STAU1: variants seen among roughly 807,000 people sequenced by gnomAD.
STAU1 encodes the protein staufen double-stranded RNA binding protein 1.
Under a neutral mutation model 62.9 loss-of-function variants are expected in STAU1, and 13 were observed. That is an observed-to-expected ratio of 0.21 (90% CI 0.13 to 0.33). STAU1 has a LOEUF of 0.33. STAU1 is among the 10% of genes least tolerant of loss of function. STAU1 has a pLI of 1.00. For missense variants in STAU1, 571 were observed against 712.1 expected, an observed-to-expected ratio of 0.80 and a Z score of 2.25; for synonymous variants, 269 against 265.1, an observed-to-expected ratio of 1.01 and a Z score of -0.14.
At chr20:49,154,402 T>C (rs1180742542) in intron 3 of STAU1, among the ~76,000 whole-genome samples, 1 of 152,248 alleles carries the variant, frequency 6.6e-6, no homozygotes, top group Admixed American at 6.5e-5. Context: ...AAAAATCCCA[T>C]GTAAATGTCC....
intron 8 of STAU1, among the ~76,000 whole-genome samples, chr20:49,122,683 T>TGAGGTGGGAGGATCAC (rs1411120765): frequency 6.6e-6 from 1 of 152,128 alleles, no homozygotes; most frequent in Non-Finnish European, 1.5e-5. Flanking sequence ...TTTGGGAGGC[T>TGAGGTGGGAGGATCAC]GAGGTGGGAG....
chr20:49,161,849 C>T (rs549725753), intron 3 of STAU1, among the ~76,000 whole-genome samples: 2 of 152,304 alleles, frequency 1.3e-5, no homozygotes, highest in Non-Finnish European at 2.9e-5. Flanking sequence ...AGAGAAGACG[C>T]AACTAGGGTC....
intron 3 of STAU1, among the ~76,000 whole-genome samples, chr20:49,161,034 T>C (rs1041830681): frequency 6.6e-6 from 1 of 151,858 alleles, no homozygotes; most frequent in Non-Finnish European, 1.5e-5. Context: ...AAAAGCAAAA[T>C]ATGGCCAGGC....
At chr20:49,161,812 T>G (rs2093452763) in intron 3 of STAU1, among the ~76,000 whole-genome samples, 1 of 152,154 alleles carries the variant, frequency 6.6e-6, no homozygotes, top group Non-Finnish European at 1.5e-5. Context: ...GATACAAAAC[T>G]GCAAATCATT....
At chr20:49,153,848 C>A in intron 4 of STAU1, 85 bp downstream of exon 4, 1 of 1,374,698 alleles carries the variant, frequency 7.3e-7, no homozygotes. Context: ...TTACTCCCTC[C>A]ACAATCTAGA....
At chr20:49,121,451 CTACA>C (rs1364332121) in intron 8 of STAU1, among the ~76,000 whole-genome samples, 1 of 152,154 alleles carries the variant, frequency 6.6e-6, no homozygotes, top group Non-Finnish European at 1.5e-5. Flanking sequence ...AGTATTCATG[CTACA>C]ACCAAAATCT....
chr20:49,169,594 T>A (rs1031501220), intron 2 of STAU1, among the ~76,000 whole-genome samples: 2 of 152,152 alleles, frequency 1.3e-5, no homozygotes, highest in Admixed American at 6.5e-5. Context: ...TTTGTTAGAG[T>A]CTTCTTAGAG....
chr20:49,161,300 T>TA (rs1406015315), intron 3 of STAU1, among the ~76,000 whole-genome samples: 1 of 152,112 alleles, frequency 6.6e-6, no homozygotes, highest in Non-Finnish European at 1.5e-5. Flanking sequence ...CACTCCAGCC[T>TA]AGGCGGCAAA....
chr20:49,204,476 A>G, the STAU1 span, among the ~76,000 whole-genome samples: 1 of 149,834 alleles, frequency 6.7e-6, no homozygotes, highest in Non-Finnish European at 1.5e-5. Context: ...TGTTATTTTT[A>G]TATTTACCCA....
intron 1 of STAU1, among the ~76,000 whole-genome samples, chr20:49,179,555 G>A (rs769239833): frequency 6.6e-6 from 1 of 152,184 alleles, no homozygotes; most frequent in Non-Finnish European, 1.5e-5. Context: ...CAAGCATAAT[G>A]AGACTTATTA....
intron 5 of STAU1, among the ~76,000 whole-genome samples, chr20:49,147,197 T>C (rs348279): frequency 0.74 from 112,453 of 152,074 alleles, 42,443 homozygotes; most frequent in African/African-American, 0.88. Context: ...TTCTTCTAAT[T>C]CTTGTCATTT....
At position 49,118,421 on chromosome 20, in the gene STAU1, G is replaced by C; in HGVS notation, c.1114-13C>G. On this transcript the variant is annotated splice_polypyrimidine_tract_variant and intron_variant, in intron 9 of 13. Coordinates refer to ENST00000371856, the MANE Select transcript of STAU1 (RefSeq NM_017453.4). The stretch of plus-strand genomic sequence containing the variant: ...TCTTTATGGGTGTCTTAAAAAAGAA[G>C]AAGAAAAAAAAAAGGCCATGAGCAT... 1 of 1,565,164 alleles carries C rather than the reference G, an allele frequency of 6.4e-7. No homozygotes were observed.
chr20:49,128,279 T>G (rs1322442603), intron 6 of STAU1, among the ~76,000 whole-genome samples: 8 of 152,114 alleles, frequency 5.3e-5, no homozygotes, highest in Admixed American at 1.3e-4. Flanking sequence ...TGAGGTGAGA[T>G]CATGCCACTG....
At chr20:49,198,745 C>T in the STAU1 span, among the ~76,000 whole-genome samples, 26 of 151,658 alleles carry the variant, frequency 1.7e-4, no homozygotes, top group East Asian at 2.4e-3. Flanking sequence ...GGGCAGATCA[C>T]GAGGTCAGGA....
chr20:49,153,710 C>CAAAAAAAAAAAAAAAA (rs145558067), intron 4 of STAU1, among the ~76,000 whole-genome samples: 71 of 67,588 alleles, frequency 1.1e-3, no homozygotes, highest in Non-Finnish European at 1.2e-3. Context: ...GACTCTGTCT[C>CAAAAAAAAAAAAAAAA]AAAAAAAAAA....
intron 1 of STAU1, among the ~76,000 whole-genome samples, chr20:49,175,350 AT>A (rs1182280607): frequency 6.6e-6 from 1 of 152,024 alleles, no homozygotes; most frequent in African/African-American, 2.4e-5. Context: ...AAAAGACACA[AT>A]TGCCTGGAAG....
chr20:49,142,738 A>C (rs977890835), intron 5 of STAU1, among the ~76,000 whole-genome samples: 7 of 152,226 alleles, frequency 4.6e-5, no homozygotes, highest in African/African-American at 1.7e-4. Flanking sequence ...CATTAGGAAC[A>C]AAGCAGCCAG....
rs529705198 is a variant in STAU1, at chr20:49,117,075, G to T, written c.1632+51C>A. The T allele has an allele frequency of 1.2e-6, 2 of 1,605,138 alleles. No homozygotes were observed. Among genetic ancestry groups the T allele is most frequent in the Non-Finnish European group, 1.7e-6 (2 of 1,175,098 alleles). On this transcript the variant is annotated intron_variant, in intron 12 of 13. Transcript: ENST00000371856. This position sits in a 1 kb window ranked among gnomAD's most constrained non-coding sequence, Gnocchi z 4.6. ...CTAGTAACAAGCTGAACCAAGGCAG[G>T]CTCCACATAAACACACAACACCCCA...
At chr20:49,201,137 T>G in the STAU1 span, among the ~76,000 whole-genome samples, 1 of 145,294 alleles carries the variant, frequency 6.9e-6, no homozygotes, top group Admixed American at 7.0e-5. Flanking sequence ...TGTCAAGGGC[T>G]GGGGAAGGGA....
Sources: gnomAD v4.1 joint callset for allele counts (sites outside exome capture counted in the v4.1 genomes callset) on GRCh38, gnomAD v4.1.1 for gene constraint, Gnocchi (gnomAD v3.1) non-coding constraint, MANE v1.5 for transcripts, NCBI Gene and HGNC (gene_info 2026-07-23, HGNC 2026-07-21) for gene names.